Variants in HLCS observed in about 807,000 individuals in gnomAD.
The protein encoded by HLCS is holocarboxylase synthetase, also known as biotin--protein ligase.
HLCS carries 53 observed loss-of-function variants against 75.0 expected under a neutral mutation model. That is an observed-to-expected ratio of 0.71 (90% CI 0.57 to 0.89). The LOEUF (loss-of-function observed/expected upper bound fraction) is 0.89. Ranked by LOEUF, HLCS falls within the 40% of genes least tolerant of loss-of-function variation. The probability of loss-of-function intolerance (pLI) is 0.00; values close to 1 mark genes in which losing one functional copy is unlikely to be tolerated. For missense variants in HLCS, 966 were observed against 1,074.0 expected, an observed-to-expected ratio of 0.90 and a Z score of 1.41; for synonymous variants, 431 against 428.6, an observed-to-expected ratio of 1.01 and a Z score of -0.07.
At chr21:36,788,316 C>G (rs1478465451) in intron 6 of HLCS, among the ~76,000 whole-genome samples, 2 of 152,196 alleles carry the variant, frequency 1.3e-5, no homozygotes, top group African/African-American at 4.8e-5. Flanking sequence ...AAGAGTGAGG[C>G]AAACACCAAC....
intron 1 of HLCS, chr21:36,974,241 T>G (rs1188305022): frequency 6.6e-6 from 1 of 151,896 alleles, no homozygotes; most frequent in African/African-American, 2.4e-5. Context: ...GGCGGAAAAA[T>G]ACTGTAGCCG....
At chr21:36,858,042 C>T (rs1329254437) in intron 6 of HLCS, among the ~76,000 whole-genome samples, 1 of 152,148 alleles carries the variant, frequency 6.6e-6, no homozygotes, top group Non-Finnish European at 1.5e-5. Flanking sequence ...CCCGCCTCAA[C>T]CTCCCAAAGT....
chr21:36,930,455 A>G (rs1276265145), intron 4 of HLCS, 22 bp from the exon 5 acceptor site: 5 of 1,599,778 alleles, frequency 3.1e-6, no homozygotes, highest in East Asian at 2.2e-5. Context: ...AGATAGCACT[A>G]TGTAAACTGA....
intron 6 of HLCS, among the ~76,000 whole-genome samples, chr21:36,874,320 T>C (rs939465510): frequency 2.0e-5 from 3 of 151,598 alleles, no homozygotes; most frequent in Non-Finnish European, 4.4e-5. Flanking sequence ...GAGAATGGCA[T>C]GAACCCAGGA....
chr21:36,820,530 T>C (rs1045448775), intron 6 of HLCS, among the ~76,000 whole-genome samples: 3 of 152,258 alleles, frequency 2.0e-5, no homozygotes, highest in East Asian at 3.9e-4. Flanking sequence ...GGCACTGTCA[T>C]GACCCAGCCA....
intron 6 of HLCS, among the ~76,000 whole-genome samples, chr21:36,825,799 T>C (rs888310820): frequency 3.9e-5 from 6 of 152,202 alleles, no homozygotes; most frequent in African/African-American, 1.2e-4. Flanking sequence ...AGTTAGAGAC[T>C]AGAACAATTT....
At chr21:36,941,400 C>T (rs1402388826) in intron 2 of HLCS, among the ~76,000 whole-genome samples, 1 of 152,170 alleles carries the variant, frequency 6.6e-6, no homozygotes, top group Non-Finnish European at 1.5e-5. Context: ...CAGTCTTGGG[C>T]AGTTCTTTCT....
intron 5 of HLCS, among the ~76,000 whole-genome samples, chr21:36,929,182 GAC>G (rs2066529711): frequency 1.3e-5 from 2 of 152,232 alleles, no homozygotes; most frequent in Admixed American, 1.3e-4. Flanking sequence ...CAAGTCCGAA[GAC>G]CAGCATGATC....
intron 1 of HLCS, chr21:36,974,557 G>A (rs1332652245): frequency 6.6e-6 from 1 of 152,174 alleles, no homozygotes; most frequent in Non-Finnish European, 1.5e-5. Context: ...CAGGAGACAG[G>A]TACTTTAAAA....
chr21:36,919,035 T>G (rs2066049479), intron 5 of HLCS, among the ~76,000 whole-genome samples: 2 of 152,222 alleles, frequency 1.3e-5, no homozygotes, highest in Admixed American at 1.3e-4. Flanking sequence ...GTGATTATGT[T>G]TTTAAACAGA....
At chr21:36,762,827 C>T (rs1301122543) in intron 8 of HLCS, among the ~76,000 whole-genome samples, 1 of 152,198 alleles carries the variant, frequency 6.6e-6, no homozygotes, top group African/African-American at 2.4e-5. Context: ...CAGCGCCTGG[C>T]GCACGCAGCC....
chr21:36,892,393 A>G (rs1054924113), intron 6 of HLCS, among the ~76,000 whole-genome samples: 1 of 152,230 alleles, frequency 6.6e-6, no homozygotes, highest in Non-Finnish European at 1.5e-5. Flanking sequence ...CAGGGGGTGC[A>G]GGGAGACTTG....
chr21:36,858,497 A>T (rs1268873501), intron 6 of HLCS, among the ~76,000 whole-genome samples: 3 of 152,256 alleles, frequency 2.0e-5, no homozygotes, highest in Non-Finnish European at 4.4e-5. Flanking sequence ...TGTTTATGAA[A>T]TGCATCCACT....
chr21:36,977,939 T>C (rs1042561916), intron 1 of HLCS, among the ~76,000 whole-genome samples: 1 of 152,164 alleles, frequency 6.6e-6, no homozygotes, highest in Admixed American at 6.5e-5. Context: ...TTTCACTTCA[T>C]CCTCATGAGC....
chr21:36,829,516 T>C (rs2835475), intron 6 of HLCS, among the ~76,000 whole-genome samples: 18,193 of 152,186 alleles, frequency 0.12, 1,490 homozygotes, highest in Non-Finnish European at 0.18. Flanking sequence ...TTACTATAAA[T>C]ATTGTCATAT....
At chr21:36,949,035 C>A (rs954815775) in intron 2 of HLCS, among the ~76,000 whole-genome samples, 3 of 152,148 alleles carry the variant, frequency 2.0e-5, no homozygotes, top group African/African-American at 4.8e-5. Context: ...ACCGCCGAGG[C>A]CTGCTAAGGT....
chr21:36,937,536 C>A, intron 3 of HLCS, 144 bp from the exon 4 acceptor site: 1 of 756,994 alleles, frequency 1.3e-6, no homozygotes, highest in Admixed American at 2.0e-5. Context: ...CCACCTGCAT[C>A]CCCCCTCAAC....
At chr21:36,942,205 G>T (rs759266467) in intron 2 of HLCS, among the ~76,000 whole-genome samples, 1 of 151,882 alleles carries the variant, frequency 6.6e-6, no homozygotes, top group Non-Finnish European at 1.5e-5. Context: ...AAAAGACTCA[G>T]ATTTGCATTA....
chr21:36,758,880 G>A (rs2089711431), intron 9 of HLCS, among the ~76,000 whole-genome samples: 1 of 152,066 alleles, frequency 6.6e-6, no homozygotes, highest in African/African-American at 2.4e-5. Context: ...CTACTTGGGA[G>A]GCTGAGGCAA....
Sources: allele counts gnomAD v4.1 joint callset (sites outside exome capture counted in the v4.1 genomes callset), GRCh38; gene constraint gnomAD v4.1.1; transcripts MANE v1.5; gene names NCBI Gene and HGNC (gene_info 2026-07-23, HGNC 2026-07-21).